The following CSMD1 variants were observed in gnomAD, a reference collection of about 807,000 sequenced individuals.
CSMD1 encodes CUB and Sushi multiple domains 1.
CSMD1 carries 213 observed loss-of-function variants against 417.5 expected under a neutral mutation model. That is an observed-to-expected ratio of 0.51 (90% CI 0.46 to 0.57). The LOEUF is 0.57. Among genes scored for constraint, CSMD1 ranks in the 20% least tolerant of loss-of-function variants. CSMD1 has a pLI of 0.00. For missense variants in CSMD1, 6,923 were observed against 4,529.7 expected (o/e 1.53, Z -15.17); for synonymous variants, 2,862 against 1,736.8 (o/e 1.65, Z -16.11).
At position 4,262,507 on chromosome 8, in the gene CSMD1, G is replaced by C. The variant is rs146082622; in HGVS notation, c.415+157446C>G. On this transcript the variant is annotated intron_variant, in intron 3 of 69. Coordinates refer to ENST00000635120, the MANE Select transcript of CSMD1 (RefSeq NM_033225.6). ...TGCTATTTCCTTTTGCTGGTGGGCT[G>C]ATTTTTAAGTTTGAACTCAGCCTTT... 5.6e-3 allele frequency among the ~76,000 whole-genome samples: 849 copies of C among 152,284 alleles called. 6 individuals carry two copies. Among genetic ancestry groups the C allele is most frequent in the African/African-American group, 0.02 (812 of 41,554 alleles).
intron 3 of CSMD1, among the ~76,000 whole-genome samples, chr8:4,153,737 G>A (rs145248888): frequency 5.0e-4 from 76 of 152,312 alleles, no homozygotes; most frequent in East Asian, 2.7e-3. Context: ...CAGTGGGCAC[G>A]GTTTCAGTGT....
At chr8:4,299,267 C>T (rs1295252804) in intron 3 of CSMD1, among the ~76,000 whole-genome samples, 1 of 152,104 alleles carries the variant, frequency 6.6e-6, no homozygotes, top group Non-Finnish European at 1.5e-5. Context: ...TTAAAACCGT[C>T]GGATAAGATA....
intron 26 of CSMD1, 106 bp from the exon 27 acceptor site, chr8:3,230,337 A>G: frequency 1.2e-6 from 1 of 819,510 alleles, no homozygotes; most frequent in South Asian, 2.3e-5. Context: ...TTGGCCTAAT[A>G]AGTCATTTGT....
chr8:4,338,392 A>C (rs1800293276), intron 3 of CSMD1, among the ~76,000 whole-genome samples: 2 of 152,106 alleles, frequency 1.3e-5, no homozygotes. Context: ...AATTACGTAA[A>C]AGTACATACT....
At chr8:3,862,524 C>T (rs1168918690) in intron 5 of CSMD1, among the ~76,000 whole-genome samples, 2 of 152,158 alleles carry the variant, frequency 1.3e-5, no homozygotes, top group Non-Finnish European at 2.9e-5. Context: ...TGTTTGCTAC[C>T]ATAAAATTCA....
intron 2 of CSMD1, among the ~76,000 whole-genome samples, chr8:4,470,637 C>T (rs1232496361): frequency 2.0e-5 from 3 of 152,260 alleles, no homozygotes; most frequent in South Asian, 2.1e-4. Flanking sequence ...GTACGTTAAC[C>T]ATTTCAACAG....
At chr8:4,427,028 C>T (rs138508399) in intron 2 of CSMD1, among the ~76,000 whole-genome samples, 11 of 152,088 alleles carry the variant, frequency 7.2e-5, no homozygotes, top group Admixed American at 4.6e-4. Context: ...CATGTCCCCA[C>T]GAGAACTGGT....
At chr8:4,601,739 T>C (rs1298700754) in intron 2 of CSMD1, among the ~76,000 whole-genome samples, 1 of 152,206 alleles carries the variant, frequency 6.6e-6, no homozygotes, top group Non-Finnish European at 1.5e-5. Flanking sequence ...TGCTTCCCTG[T>C]AGCTGGAGAA....
chr8:4,597,594 G>C (rs989632955), intron 2 of CSMD1, among the ~76,000 whole-genome samples: 1 of 151,916 alleles, frequency 6.6e-6, no homozygotes, highest in Admixed American at 6.6e-5. Context: ...ATAAAACACA[G>C]AAATGAAAAT....
chr8:4,270,792 C>T (rs1012327370), intron 3 of CSMD1, among the ~76,000 whole-genome samples: 3 of 152,152 alleles, frequency 2.0e-5, no homozygotes, highest in Non-Finnish European at 2.9e-5. Flanking sequence ...GCTGTGGCTT[C>T]CTTCCTCCTA....
At chr8:3,805,816 T>C (rs1461495241) in intron 5 of CSMD1, among the ~76,000 whole-genome samples, 1 of 152,202 alleles carries the variant, frequency 6.6e-6, no homozygotes, top group Non-Finnish European at 1.5e-5. Context: ...AGAATTACCA[T>C]TCAAGCCTTT....
chr8:4,198,685 C>T (rs1032732802), intron 3 of CSMD1, among the ~76,000 whole-genome samples: 2 of 152,010 alleles, frequency 1.3e-5, no homozygotes, highest in African/African-American at 4.8e-5. Context: ...TGGTAAAACC[C>T]CAAGGACTAC....
rs201697154 is a variant in CSMD1 at position 3,985,920 on chromosome 8, T to G, written c.818+11983A>C. Among the ~76,000 whole-genome samples, 7 of 125,798 alleles carry G rather than the reference T, an allele frequency of 5.6e-5. No individual in the cohort carries two copies. The East Asian group carries it at 1.4e-3, about 25-fold the overall frequency. 82.5% of individuals were successfully genotyped at this position (125,798 alleles called of 152,430 possible). ...TCTTACTTTGAACATTTCAAACCAT[T>G]TTGCATAACTCAATTTTTTTTTCTA... On this transcript the variant is annotated intron_variant, in intron 5 of 69. Transcript: ENST00000635120.
At chr8:4,946,538 A>G (rs749756818) in intron 1 of CSMD1, among the ~76,000 whole-genome samples, 1 of 152,156 alleles carries the variant, frequency 6.6e-6, no homozygotes, top group African/African-American at 2.4e-5. Flanking sequence ...CCAGGCCTGA[A>G]GCATGTCCTT....
In CSMD1 at chr8:4,663,879, A is replaced by G. The variant is rs1804759434; in HGVS notation, c.86-26321T>C. ...CACAAATACCTGGGCTGGATCAGGA[A>G]AAGCATCCTGGGGTTCTTCTCAAAA... is the stretch of plus-strand genomic sequence containing the variant. On this transcript the variant is annotated intron_variant, in intron 1 of 69. Coordinates refer to ENST00000635120, the MANE Select transcript of CSMD1 (RefSeq NM_033225.6). Among the ~76,000 whole-genome samples, 3 of 152,188 alleles carry G rather than the reference A, an allele frequency of 2.0e-5. No homozygotes were observed. In the South Asian group the frequency reaches 6.2e-4, roughly 31 times the overall value.
intron 7 of CSMD1, among the ~76,000 whole-genome samples, chr8:3,633,254 G>C (rs982090488): frequency 6.6e-6 from 1 of 152,122 alleles, no homozygotes; most frequent in African/African-American, 2.4e-5. Context: ...AAATTACTCT[G>C]ACACTGAGAA....
At chr8:3,003,074 G>A (rs907216018) in intron 52 of CSMD1, among the ~76,000 whole-genome samples, 3 of 152,122 alleles carry the variant, frequency 2.0e-5, no homozygotes, top group Non-Finnish European at 4.4e-5. Flanking sequence ...TCACTTTCCA[G>A]CCATCCGTTA....
chr8:3,433,276 A>T (rs1814337993), intron 12 of CSMD1, among the ~76,000 whole-genome samples: 1 of 152,184 alleles, frequency 6.6e-6, no homozygotes, highest in South Asian at 2.1e-4. Flanking sequence ...ACTTATCTCC[A>T]GGTCTTCTGA....
intron 49 of CSMD1, among the ~76,000 whole-genome samples, chr8:3,074,621 G>A (rs1413320453): frequency 3.9e-5 from 6 of 152,226 alleles, no homozygotes; most frequent in African/African-American, 1.4e-4. Flanking sequence ...CTGTGGCAAT[G>A]AGTGGAAGAA....
Sources: allele counts gnomAD v4.1 joint callset (sites outside exome capture counted in the v4.1 genomes callset), GRCh38; gene constraint gnomAD v4.1.1; transcripts MANE v1.5; gene names NCBI Gene and HGNC (gene_info 2026-07-23, HGNC 2026-07-21).